NHEJ1: variants seen among roughly 807,000 people sequenced by gnomAD.
The protein encoded by NHEJ1 is non-homologous end-joining factor 1.
Under a neutral mutation model 39.4 loss-of-function variants are expected in NHEJ1, and 22 were observed. The observed-to-expected ratio is 0.56, with a 90% CI of 0.40 to 0.80. NHEJ1 has a LOEUF of 0.80. NHEJ1 is among the 30% of genes least tolerant of loss of function. The pLI, the probability that NHEJ1 is intolerant of heterozygous loss-of-function variation, is 0.00. For missense variants in NHEJ1, 329 were observed against 357.1 expected (o/e 0.92, Z 0.63); for synonymous variants, 154 against 135.6 (o/e 1.14, Z -0.94).
chr2:219,117,492 G>A (rs1402920576), intron 5 of NHEJ1, among the ~76,000 whole-genome samples: 1 of 152,202 alleles, frequency 6.6e-6, no homozygotes, highest in Admixed American at 6.5e-5. Flanking sequence ...TGGTGCCCTG[G>A]GAGTTCCCAG....
At position 219,072,148 on chromosome 2, in the gene NHEJ1, C is replaced by T. The variant is rs1948962706; in HGVS notation, c.*4233G>A. Among the ~76,000 whole-genome samples, 1 of 152,224 alleles carries T rather than the reference C, an allele frequency of 6.6e-6. No homozygotes were observed. Among genetic ancestry groups the T allele is most frequent in the Admixed American group, 6.5e-5 (1 of 15,284 alleles). ...TCATACCCTCCATGCACTGGATGTT[C>T]CGCTCATGGTGAGATCTTCTGAGGC... On this transcript the variant is annotated 3_prime_UTR_variant, in exon 8 of 8. Coordinates refer to ENST00000356853, the MANE Select transcript of NHEJ1 (RefSeq NM_024782.3).
intron 3 of NHEJ1, among the ~76,000 whole-genome samples, chr2:219,155,613 T>C (rs6725951): frequency 0.5 from 76,575 of 152,022 alleles, 21,597 homozygotes; most frequent in Non-Finnish European, 0.64. Context: ...CTAGTTTTAC[T>C]GGGCTCCAGA....
chr2:219,093,397 A>G (rs1179277381), intron 5 of NHEJ1, among the ~76,000 whole-genome samples: 3 of 152,246 alleles, frequency 2.0e-5, no homozygotes, highest in Non-Finnish European at 2.9e-5. Context: ...AGAGGGATAT[A>G]TAAATGGCCA....
At chr2:219,135,245 T>G (rs1949616249) in intron 5 of NHEJ1, among the ~76,000 whole-genome samples, 1 of 152,138 alleles carries the variant, frequency 6.6e-6, no homozygotes. Context: ...GTGTAAATCT[T>G]CACAAAAAGC....
intron 5 of NHEJ1, among the ~76,000 whole-genome samples, chr2:219,104,701 AC>A (rs202193108): frequency 2.0e-5 from 3 of 149,600 alleles, no homozygotes; most frequent in South Asian, 2.1e-4. Flanking sequence ...TCCAAAAGGC[AC>A]CCCCCCACAC....
At chr2:219,121,217 A>T (rs181548887) in intron 5 of NHEJ1, among the ~76,000 whole-genome samples, 142 of 152,076 alleles carry the variant, frequency 9.3e-4, no homozygotes, top group African/African-American at 3.3e-3. Flanking sequence ...AAAAAAAAAA[A>T]AAGAAATCTA....
intron 5 of NHEJ1, among the ~76,000 whole-genome samples, chr2:219,099,921 A>G (rs746401667): frequency 1.3e-5 from 2 of 152,198 alleles, no homozygotes; most frequent in African/African-American, 4.8e-5. Flanking sequence ...AAACCGGGGA[A>G]GGGTAGGAAA....
chr2:219,159,563 GCA>G (rs1949901532), intron 1 of NHEJ1, among the ~76,000 whole-genome samples: 2 of 6,512 alleles, frequency 3.1e-4, no homozygotes, highest in Non-Finnish European at 1.8e-3. Flanking sequence ...ATATATATAT[GCA>G]TATATATATG....
chr2:219,120,638 C>T (rs901921571), intron 5 of NHEJ1, among the ~76,000 whole-genome samples: 9 of 152,040 alleles, frequency 5.9e-5, no homozygotes, highest in African/African-American at 1.9e-4. Context: ...GAAGAAGAGG[C>T]GATATTTATT....
chr2:219,101,688 G>A (rs963283738), intron 5 of NHEJ1, among the ~76,000 whole-genome samples: 1 of 151,870 alleles, frequency 6.6e-6, no homozygotes, highest in Non-Finnish European at 1.5e-5. Context: ...TGGGATTACA[G>A]GCCTCAGCCA....
intron 5 of NHEJ1, among the ~76,000 whole-genome samples, chr2:219,092,128 T>C (rs1949166289): frequency 6.6e-6 from 1 of 152,020 alleles, no homozygotes; most frequent in Non-Finnish European, 1.5e-5. Flanking sequence ...TCTGTCTCTA[T>C]AAAAAATGAA....
intron 5 of NHEJ1, among the ~76,000 whole-genome samples, chr2:219,119,929 A>T (rs1344865044): frequency 6.6e-6 from 1 of 152,182 alleles, no homozygotes; most frequent in Non-Finnish European, 1.5e-5. Context: ...AAAGACAAAT[A>T]CTCAACAAAC....
chr2:219,135,268 T>C (rs1949616408), intron 5 of NHEJ1, among the ~76,000 whole-genome samples: 1 of 152,058 alleles, frequency 6.6e-6, no homozygotes, highest in African/African-American at 2.4e-5. Context: ...TGGAGGTACA[T>C]GAAGCTTATA....
chr2:219,071,460 T>C lies in NHEJ1; in HGVS notation c.*4921A>G, dbSNP rs1054646590. Reference sequence around the variant, plus strand: ...GCCCAATATTTCCACAGCAGGATTATAGGATCTGATTAACCATGTTAGACA... The same window carrying C: ...GCCCAATATTTCCACAGCAGGATTACAGGATCTGATTAACCATGTTAGACA... On this transcript the variant is annotated 3_prime_UTR_variant, in exon 8 of 8. Transcript: ENST00000356853. Among the ~76,000 whole-genome samples, 1 of 152,210 alleles carries C rather than the reference T, an allele frequency of 6.6e-6. No individual in the cohort carries two copies. Among genetic ancestry groups the C allele is most frequent in the African/African-American group, 2.4e-5 (1 of 41,446 alleles).
chr2:219,139,663 T>C (rs1949671245), intron 5 of NHEJ1, among the ~76,000 whole-genome samples: 1 of 152,114 alleles, frequency 6.6e-6, no homozygotes, highest in Non-Finnish European at 1.5e-5. Flanking sequence ...TTTTTGGTTT[T>C]TTGGGGTTTT....
chr2:219,071,727 T>C lies in NHEJ1; in HGVS notation c.*4654A>G, dbSNP rs1574694402. 6.6e-6 allele frequency among the ~76,000 whole-genome samples: 1 copy of C among 152,170 alleles called. No homozygotes were observed. The highest frequency in any genetic ancestry group is 1.5e-5 in the Non-Finnish European group (1 of 68,028). ...AGCACAATCTTCCCAGGTGAGTCAA[T>C]GGCTGTGTGCTCCCCACACCCTGGA... On this transcript the variant is annotated 3_prime_UTR_variant, in exon 8 of 8. Coordinates refer to ENST00000356853, the MANE Select transcript of NHEJ1 (RefSeq NM_024782.3).
chr2:219,087,907 C>T (rs1949126111), intron 5 of NHEJ1, among the ~76,000 whole-genome samples: 1 of 152,244 alleles, frequency 6.6e-6, no homozygotes, highest in South Asian at 2.1e-4. Flanking sequence ...ATTAAAAACT[C>T]TTAAAAATCA....
intron 5 of NHEJ1, among the ~76,000 whole-genome samples, chr2:219,117,669 GA>G (rs2106343059): frequency 6.6e-6 from 1 of 152,372 alleles, no homozygotes; most frequent in East Asian, 1.9e-4. Context: ...GCTCCAAAGG[GA>G]AGTGACATGG....
intron 1 of NHEJ1, among the ~76,000 whole-genome samples, chr2:219,159,597 A>G (rs1300739614): frequency 7.8e-6 from 1 of 128,878 alleles, no homozygotes; most frequent in Non-Finnish European, 1.7e-5. Context: ...GCATATATAT[A>G]TATGCATATA....
Sources: allele counts gnomAD v4.1 joint callset (sites outside exome capture counted in the v4.1 genomes callset), GRCh38; gene constraint gnomAD v4.1.1; transcripts MANE v1.5; gene names NCBI Gene and HGNC (gene_info 2026-07-23, HGNC 2026-07-21).